KCNH2: variants seen among roughly 807,000 people sequenced by gnomAD.
KCNH2 encodes the protein potassium voltage-gated channel subfamily H member 2, also known as voltage-gated inwardly rectifying potassium channel KCNH2.
In KCNH2, 35 loss-of-function variants were observed where a neutral mutation model predicts 95.9. The observed-to-expected ratio is 0.37, with a 90% CI of 0.28 to 0.48. The LOEUF (loss-of-function observed/expected upper bound fraction) is 0.48. Among genes scored for constraint, KCNH2 ranks in the 20% least tolerant of loss-of-function variants. KCNH2 has a pLI of 0.99. For synonymous variants in KCNH2, 786 were observed against 754.7 expected (o/e 1.04, Z -0.68); for missense variants, 1,274 against 1,702.9 (o/e 0.75, Z 4.43).
chr7:150,960,343 T>C (rs1365853577), intron 2 of KCNH2, among the ~76,000 whole-genome samples: 2 of 152,252 alleles, frequency 1.3e-5, no homozygotes, highest in African/African-American at 4.8e-5. Flanking sequence ...GGGTACACAG[T>C]GATGTTGTGA....
At chr7:150,951,158 G>A (rs779449553) in intron 7 of KCNH2, 38 bp from the exon 8 acceptor site, 1 of 1,541,582 alleles carries the variant, frequency 6.5e-7, no homozygotes, top group Non-Finnish European at 8.8e-7. Context: ...AGCCTCTGCA[G>A]GGACCCCACC....
In KCNH2 at chr7:150,957,278, G is replaced by A. The variant is rs576438427; in HGVS notation, c.1128+13C>T. 58 of 1,554,436 alleles carry A rather than the reference G, an allele frequency of 3.7e-5. 1 individual carries two copies. In the South Asian group the frequency reaches 5.6e-4, roughly 15 times the overall value. ...TCCAAGGTGAGAGGAGAGCCCGGCC[G>A]CTGGGCGCCTACCTGGGTGACCTTC... On this transcript the variant is annotated intron_variant, in intron 5 of 14. Transcript: ENST00000262186.
At position 150,947,513 on chromosome 7, in the gene KCNH2, G is replaced by A. The variant is rs759887868; in HGVS notation, c.2967C>T (p.Gly989=). Residue 989 remains glycine (G), a splice_region_variant and synonymous_variant, in exon 13 of 15, where the codon GGC becomes GGT. Coordinates refer to ENST00000262186, the MANE Select transcript of KCNH2 (RefSeq NM_000238.4). ...KSSDTCNPLS[G]AFSGVSNIFS... is the part of the protein sequence containing the mutation. ...AAATGTTGGACACTCCTGAGAAGGC[G>A]CCTGCAGCCAGAGAGCAGAGCTGGG... 38 of 1,593,980 alleles carry A rather than the reference G, an allele frequency of 2.4e-5. No homozygotes were observed. In the East Asian group the frequency reaches 2.7e-4, roughly 11 times the overall value.
chr7:150,967,471 G>C (rs1452510739), intron 2 of KCNH2, among the ~76,000 whole-genome samples: 2 of 152,206 alleles, frequency 1.3e-5, no homozygotes, highest in African/African-American at 4.8e-5. Context: ...GAACAGAACA[G>C]AGAGCACAGG....
In KCNH2 at chr7:150,977,925, G is replaced by A. The variant is rs1451057996; in HGVS notation, c.-12C>T. On this transcript the variant is annotated 5_prime_UTR_variant, in exon 1 of 15. Transcript: ENST00000262186. The stretch of plus-strand genomic sequence containing the variant: ...CTCCGCACCGGCATCCTGAGCCCAT[G>A]GGCGGGCCGGGCGGGCCCCCACCCA... 2.0e-5 allele frequency: 32 copies of A among 1,577,912 alleles called. No individual in the cohort carries two copies. The highest frequency in any genetic ancestry group is 2.8e-5 in the African/African-American group (2 of 72,698).
At chr7:150,955,555 C>T (rs143829898) in intron 5 of KCNH2, 1 of 1,509,810 alleles carries the variant, frequency 6.6e-7, no homozygotes, top group Non-Finnish European at 8.9e-7. Flanking sequence ...AGGGCCCGGC[C>T]ACTGCCTCAC....
In KCNH2 at chr7:150,946,178, G is replaced by C. The variant is rs1367089590; in HGVS notation, c.3331-664C>G. ...CCCAGGCCGCCTCTGGCAGCCAGAG[G>C]AGTCCCCACCATGGACGCGGAGGTT... On this transcript the variant is annotated intron_variant, in intron 14 of 14. Coordinates refer to ENST00000262186, the MANE Select transcript of KCNH2 (RefSeq NM_000238.4). This position sits in a 1 kb window ranked among gnomAD's most constrained non-coding sequence, Gnocchi z 6.5. Among the ~76,000 whole-genome samples the C allele has an allele frequency of 6.6e-6, 1 of 152,120 alleles. No homozygotes were observed. The highest frequency in any genetic ancestry group is 2.4e-5 in the African/African-American group (1 of 41,406).
chr7:150,965,069 C>T (rs1037136207), intron 2 of KCNH2, among the ~76,000 whole-genome samples: 26 of 150,834 alleles, frequency 1.7e-4, no homozygotes, highest in African/African-American at 7.3e-5. Context: ...TGTGTGCGCG[C>T]GTGTGTGTGT....
chr7:150,951,430 GC>G lies in KCNH2; in HGVS notation c.1945+17del. 6.2e-7 allele frequency: 1 copy of G among 1,613,416 alleles called. No homozygotes were observed. The highest frequency in any genetic ancestry group is 8.5e-7 in the Non-Finnish European group (1 of 1,179,996). On this transcript the variant is annotated intron_variant, in intron 7 of 14. Transcript: ENST00000262186. Reference sequence around the variant, plus strand: ...CCACCGTGGGCTCTCCCCGCCGCCCGCCCCTGGGCACACTCACAGCCAATGA... The same window carrying G: ...CCACCGTGGGCTCTCCCCGCCGCCCGCCCTGGGCACACTCACAGCCAATGA...
intron 13 of KCNH2, 53 bp from the exon 14 acceptor site, chr7:150,947,107 T>C: frequency 1.8e-6 from 1 of 559,726 alleles, no homozygotes; most frequent in Non-Finnish European, 2.9e-6. Flanking sequence ...AGTGACAGCC[T>C]CCACCGGGAG....
chr7:150,971,192 A>G (rs2117051384), intron 2 of KCNH2, among the ~76,000 whole-genome samples: 1 of 152,292 alleles, frequency 6.6e-6, no homozygotes, highest in East Asian at 1.9e-4. Context: ...GGCTGATCAC[A>G]GGAGGTACTA....
intron 4 of KCNH2, 40 bp downstream of exon 4, chr7:150,958,019 A>G: frequency 7.9e-7 from 1 of 1,266,410 alleles, no homozygotes; most frequent in Non-Finnish European, 9.9e-7. Flanking sequence ...CAGCAGAAGA[A>G]GCGTGGGCTG....
At chr7:150,955,777 G>T (rs867658779) in intron 5 of KCNH2, 1 of 1,203,010 alleles carries the variant, frequency 8.3e-7, no homozygotes, top group African/African-American at 1.6e-5. Flanking sequence ...TGCTCTGCCC[G>T]CCCGCCAGCC....
intron 2 of KCNH2, among the ~76,000 whole-genome samples, chr7:150,964,845 T>A (rs1250971215): frequency 6.6e-6 from 1 of 152,018 alleles, no homozygotes; most frequent in Non-Finnish European, 1.5e-5. Context: ...CAGTGTCAGG[T>A]TATATTTAGC....
rs1279485075 is a variant in KCNH2 at position 150,962,153 on chromosome 7, C to T, written c.308-2417G>A. ...GGGCCCAGCTGGAGACCATTTGGCA[C>T]CCAGACAGCCTGCCTGGAGTTTATG... On this transcript the variant is annotated intron_variant, in intron 2 of 14. Coordinates refer to ENST00000262186, the MANE Select transcript of KCNH2 (RefSeq NM_000238.4). This position sits in a 1 kb window ranked among gnomAD's most constrained non-coding sequence, Gnocchi z 5.7. Among the ~76,000 whole-genome samples the T allele has an allele frequency of 6.6e-6, 1 of 152,198 alleles. No homozygotes were observed. Among genetic ancestry groups the T allele is most frequent in the Non-Finnish European group, 1.5e-5 (1 of 68,026 alleles).
intron 7 of KCNH2, 113 bp from the exon 8 acceptor site, chr7:150,951,233 C>A (rs1801144209): frequency 9.6e-7 from 1 of 1,039,304 alleles, no homozygotes; most frequent in East Asian, 2.5e-5. Context: ...GTCGACATGC[C>A]CACGAGACGC....
At chr7:150,968,463 C>G (rs1304892493) in intron 2 of KCNH2, among the ~76,000 whole-genome samples, 1 of 152,204 alleles carries the variant, frequency 6.6e-6, no homozygotes, top group Non-Finnish European at 1.5e-5. Flanking sequence ...AAAGCACATT[C>G]CCAAGTAAGA....
intron 8 of KCNH2, 113 bp from the exon 9 acceptor site, chr7:150,950,533 G>T (rs1216608242): frequency 7.3e-7 from 1 of 1,374,538 alleles, no homozygotes; most frequent in Non-Finnish European, 9.8e-7. Context: ...TCCAGGCCTG[G>T]GAGATCTCGG....
At chr7:150,948,423 T>TCCCCCCCCCCCCC in intron 11 of KCNH2, 21 bp downstream of exon 11, 3 of 894,060 alleles carry the variant, frequency 3.4e-6, no homozygotes, top group East Asian at 3.5e-5. Flanking sequence ...CCCTCCCCCT[T>TCCCCCCCCCCCCC]CCTCCCCTCC....
Sources: gnomAD v4.1 joint callset for allele counts (sites outside exome capture counted in the v4.1 genomes callset) on GRCh38, gnomAD v4.1.1 for gene constraint, Gnocchi (gnomAD v3.1) non-coding constraint, MANE v1.5 for transcripts, NCBI Gene and HGNC (gene_info 2026-07-23, HGNC 2026-07-21) for gene names.